Variants in MACROD2 observed in about 807,000 individuals in gnomAD.
MACROD2 encodes the protein mono-ADP ribosylhydrolase 2.
Under a neutral mutation model 70.4 loss-of-function variants are expected in MACROD2, and 36 were observed. That is an observed-to-expected ratio of 0.51 (90% CI 0.39 to 0.68). The LOEUF is 0.68. Ranked by LOEUF, MACROD2 falls within the 30% of genes least tolerant of loss-of-function variation. The pLI is 0.00. For synonymous variants in MACROD2, 172 were observed against 178.8 expected, an observed-to-expected ratio of 0.96 and a Z score of 0.30; for missense variants, 496 against 538.4, an observed-to-expected ratio of 0.92 and a Z score of 0.78.
At chr20:15,540,545 G>A (rs1240594619) in intron 8 of MACROD2, among the ~76,000 whole-genome samples, 1 of 152,174 alleles carries the variant, frequency 6.6e-6, no homozygotes, top group Non-Finnish European at 1.5e-5. Context: ...CTCAAACTTG[G>A]ATGCTGGGGA....
chr20:15,558,265 G>T (rs946083390), intron 8 of MACROD2, among the ~76,000 whole-genome samples: 1 of 152,182 alleles, frequency 6.6e-6, no homozygotes, highest in Non-Finnish European at 1.5e-5. Context: ...TTATCCTGCT[G>T]ACTTCTTGCC....
chr20:15,025,359 C>T (rs748954694), intron 5 of MACROD2, among the ~76,000 whole-genome samples: 1 of 152,004 alleles, frequency 6.6e-6, no homozygotes, highest in Non-Finnish European at 1.5e-5. Flanking sequence ...GAAGAGGCAG[C>T]TCTGATGGTC....
intron 2 of MACROD2, among the ~76,000 whole-genome samples, chr20:14,062,163 T>C (rs1483439294): frequency 3.9e-5 from 6 of 152,286 alleles, no homozygotes; most frequent in Admixed American, 2.0e-4. Flanking sequence ...CACTAAAATA[T>C]TTTAAGTGAT....
intron 15 of MACROD2, among the ~76,000 whole-genome samples, chr20:16,016,382 A>G (rs1237878): frequency 0.7 from 106,348 of 152,128 alleles, 37,374 homozygotes; most frequent in East Asian, 0.93. Context: ...AGTGAGCAAT[A>G]TGCCATGTCT....
chr20:14,788,544 C>T (rs2072402964), intron 5 of MACROD2, among the ~76,000 whole-genome samples: 1 of 143,408 alleles, frequency 7.0e-6, no homozygotes, highest in South Asian at 2.2e-4. Flanking sequence ...CGAGATGTAG[C>T]CTCCAGCCTG....
intron 15 of MACROD2, among the ~76,000 whole-genome samples, chr20:16,017,607 G>A (rs1262274457): frequency 6.6e-6 from 1 of 152,040 alleles, no homozygotes; most frequent in Non-Finnish European, 1.5e-5. Flanking sequence ...AATCACAATG[G>A]TCTCTTTTCA....
chr20:15,069,157 T>A (rs775388171), intron 5 of MACROD2, among the ~76,000 whole-genome samples: 2 of 151,918 alleles, frequency 1.3e-5, no homozygotes, highest in African/African-American at 2.4e-5. Context: ...AACTTAAGAG[T>A]GATGACTTAG....
Position 15,146,719 on chromosome 20 carries a change from A to G in MACROD2, c.419-83221A>G, listed in dbSNP as rs1037446703. On this transcript the variant is annotated intron_variant, in intron 5 of 17. Coordinates refer to ENST00000684519, the MANE Select transcript of MACROD2 (RefSeq NM_001351661.2). ...TGTACACCTGACTTTTCATTCCTAT[A>G]TTTTAGAAAAGTAATAGCTTCTGGG... Among the ~76,000 whole-genome samples the G allele has an allele frequency of 1.1e-4, 16 of 152,222 alleles. No homozygotes were observed. The East Asian group carries it at 1.5e-3, about 15-fold the overall frequency.
intron 5 of MACROD2, among the ~76,000 whole-genome samples, chr20:14,763,352 A>G (rs768926069): frequency 6.6e-6 from 1 of 152,148 alleles, no homozygotes; most frequent in Non-Finnish European, 1.5e-5. Context: ...GTGTACATGC[A>G]GTTGAATCTG....
intron 4 of MACROD2, among the ~76,000 whole-genome samples, chr20:14,579,246 A>C (rs965280518): frequency 6.3e-5 from 9 of 142,200 alleles, no homozygotes; most frequent in Non-Finnish European, 1.0e-4. Flanking sequence ...GGTTCACGCC[A>C]TTCTCCTGCC....
chr20:15,417,292 C>T (rs2046166263), intron 6 of MACROD2, among the ~76,000 whole-genome samples: 2 of 151,916 alleles, frequency 1.3e-5, no homozygotes, highest in African/African-American at 2.4e-5. Context: ...AGTAATGGTT[C>T]GTAAAGTGTG....
chr20:14,045,611 G>A (rs1380170126), intron 2 of MACROD2, among the ~76,000 whole-genome samples: 1 of 152,166 alleles, frequency 6.6e-6, no homozygotes, highest in Non-Finnish European at 1.5e-5. Flanking sequence ...TAAATGAAGT[G>A]CTTTCATATT....
At chr20:15,294,298 T>G (rs2077567338) in intron 6 of MACROD2, among the ~76,000 whole-genome samples, 1 of 152,086 alleles carries the variant, frequency 6.6e-6, no homozygotes, top group Non-Finnish European at 1.5e-5. Flanking sequence ...TTTTCCTATG[T>G]GTAATGTACT....
intron 5 of MACROD2, among the ~76,000 whole-genome samples, chr20:14,688,137 A>G (rs1194467964): frequency 6.6e-6 from 1 of 152,144 alleles, no homozygotes; most frequent in Non-Finnish European, 1.5e-5. Context: ...CTCCATATTT[A>G]ATAATTCCAT....
intron 12 of MACROD2, among the ~76,000 whole-genome samples, chr20:15,947,669 C>T (rs1437719156): frequency 6.6e-6 from 1 of 152,172 alleles, no homozygotes; most frequent in Non-Finnish European, 1.5e-5. Context: ...ACACTCAACA[C>T]AGTGGCTTGC....
intron 3 of MACROD2, among the ~76,000 whole-genome samples, chr20:14,110,306 TA>T (rs2054432661): frequency 1.3e-5 from 2 of 151,930 alleles, no homozygotes; most frequent in African/African-American, 4.8e-5. Flanking sequence ...AGCTTTTTTT[TA>T]AAGATCTGGA....
intron 5 of MACROD2, among the ~76,000 whole-genome samples, chr20:14,891,500 A>G (rs1446984475): frequency 1.3e-5 from 2 of 152,162 alleles, no homozygotes; most frequent in Non-Finnish European, 2.9e-5. Flanking sequence ...GATAACAACC[A>G]GACCTTCTAT....
At chr20:14,573,427 A>C (rs1296801203) in intron 4 of MACROD2, among the ~76,000 whole-genome samples, 1 of 152,230 alleles carries the variant, frequency 6.6e-6, no homozygotes, top group Admixed American at 6.5e-5. Flanking sequence ...AAACAAAAAT[A>C]TAGAAAGAAC....
chr20:15,024,347 G>T lies in MACROD2; in HGVS notation c.419-205593G>T, dbSNP rs181497568. On this transcript the variant is annotated intron_variant, in intron 5 of 17. Transcript: ENST00000684519. ...TAAAATCATGAATTTTAACAGGAAG[G>T]ACAAGAAGGAAGAGGGAGAAGAAGA... is the stretch of plus-strand genomic sequence containing the variant. 1.2e-3 allele frequency among the ~76,000 whole-genome samples: 176 copies of T among 152,168 alleles called. 1 individual carries two copies. Among genetic ancestry groups the T allele is most frequent in the Non-Finnish European group, 1.6e-3 (108 of 67,996 alleles).
Sources: gnomAD v4.1 joint callset for allele counts (sites outside exome capture counted in the v4.1 genomes callset) on GRCh38, gnomAD v4.1.1 for gene constraint, MANE v1.5 for transcripts, NCBI Gene and HGNC (gene_info 2026-07-23, HGNC 2026-07-21) for gene names.